BATF: variants seen among roughly 807,000 people sequenced by gnomAD.
BATF encodes the protein basic leucine zipper transcriptional factor ATF-like.
BATF carries 5 observed loss-of-function variants against 13.7 expected under a neutral mutation model. The ratio of observed to expected loss-of-function variants is 0.36; its 90% CI spans 0.19 to 0.77. BATF has a LOEUF of 0.77. BATF is among the 30% of genes least tolerant of loss of function. BATF has a pLI of 0.51. For missense variants in BATF, 124 were observed against 163.0 expected, an observed-to-expected ratio of 0.76 and a Z score of 1.30; for synonymous variants, 72 against 67.5, an observed-to-expected ratio of 1.07 and a Z score of -0.33.
intron 2 of BATF, among the ~76,000 whole-genome samples, chr14:75,538,022 G>A (rs912657897): frequency 2.0e-5 from 3 of 152,052 alleles, no homozygotes; most frequent in South Asian, 2.1e-4. Flanking sequence ...GCAGTGGTGC[G>A]ATCATGGCTG....
rs138528133 is a variant in BATF at position 75,532,346 on chromosome 14, C to T, written c.168+7158C>T. ...ACACTGTCCCCCAGCCATCATCAGG[C>T]GTGATCAAGAAAGTAAAGACATGTT... is the stretch of plus-strand genomic sequence containing the variant. On this transcript the variant is annotated intron_variant, in intron 2 of 2. Coordinates refer to ENST00000286639, the MANE Select transcript of BATF (RefSeq NM_006399.5). Among the ~76,000 whole-genome samples, 696 of 152,152 alleles carry T rather than the reference C, an allele frequency of 4.6e-3. 4 individuals carry two copies. Among genetic ancestry groups the T allele is most frequent in the African/African-American group, 0.016 (669 of 41,484 alleles).
chr14:75,523,180 A>G (rs1395662917), intron 1 of BATF, among the ~76,000 whole-genome samples: 2 of 146,402 alleles, frequency 1.4e-5, no homozygotes, highest in Non-Finnish European at 3.0e-5. Flanking sequence ...GCCAATAGGG[A>G]AGGGGAGAAA....
At chr14:75,540,952 TG>T (rs1030767595) in intron 2 of BATF, among the ~76,000 whole-genome samples, 1 of 152,136 alleles carries the variant, frequency 6.6e-6, no homozygotes, top group African/African-American at 2.4e-5. Flanking sequence ...CCAAGTGTAT[TG>T]GCGGGCACCT....
At chr14:75,534,253 C>T (rs1195458213) in intron 2 of BATF, among the ~76,000 whole-genome samples, 1 of 152,158 alleles carries the variant, frequency 6.6e-6, no homozygotes, top group Non-Finnish European at 1.5e-5. Flanking sequence ...CATCAGGACT[C>T]CAATAGACAA....
intron 2 of BATF, among the ~76,000 whole-genome samples, chr14:75,542,808 C>T (rs894926717): frequency 1.3e-5 from 2 of 152,186 alleles, no homozygotes; most frequent in Non-Finnish European, 2.9e-5. Flanking sequence ...CAGCAGGCAG[C>T]GGTTACAAAC....
At chr14:75,537,584 G>A (rs900392705) in intron 2 of BATF, among the ~76,000 whole-genome samples, 17 of 152,134 alleles carry the variant, frequency 1.1e-4, no homozygotes, top group Admixed American at 3.9e-4. Context: ...GAAACGAAAC[G>A]GTTAAAGTTA....
rs1275127364 is a variant in BATF at position 75,546,611 on chromosome 14, G to A, written c.318G>A (p.Val106=). 1 of 1,613,690 alleles carries A rather than the reference G, an allele frequency of 6.2e-7. No individual in the cohort carries two copies. Among genetic ancestry groups the A allele is most frequent in the Admixed American group, 1.7e-5 (1 of 59,984 alleles). ...CCAGCACGCCCTCGCCCCCCGAGGT[G>A]GTGTACAGCGCCCACGCATTCCACC... is the stretch of plus-strand genomic sequence containing the variant. ...LAASTPSPPE[V]VYSAHAFHQP... is the part of the protein sequence containing the mutation. The change falls in exon 3 of 3, where the codon GTG becomes GTA. Residue 106 remains valine, a synonymous_variant. Transcript: ENST00000286639.
chr14:75,522,640 G>A lies in BATF; in HGVS notation c.-43G>A. Reference sequence around the variant, plus strand: ...GCCCAGCTGGTGACAAGAGAGCCCAGAGGTGCCTGGGGCTGAGTGTGAGAG... The same window carrying A: ...GCCCAGCTGGTGACAAGAGAGCCCAAAGGTGCCTGGGGCTGAGTGTGAGAG... On this transcript the variant is annotated 5_prime_UTR_variant, in exon 1 of 3. Transcript: ENST00000286639. 1 of 1,611,360 alleles carries A rather than the reference G, an allele frequency of 6.2e-7. No individual in the cohort carries two copies. The highest frequency in any genetic ancestry group is 1.3e-5 in the African/African-American group (1 of 74,968).
At chr14:75,525,491 C>G (rs186213768) in intron 2 of BATF, among the ~76,000 whole-genome samples, 418 of 151,712 alleles carry the variant, frequency 2.8e-3, no homozygotes, top group Admixed American at 8.2e-3. Flanking sequence ...GGTGAAACCT[C>G]GTCTCTACTA....
intron 2 of BATF, among the ~76,000 whole-genome samples, chr14:75,529,245 A>G (rs1456626752): frequency 6.6e-6 from 1 of 152,268 alleles, no homozygotes; most frequent in Non-Finnish European, 1.5e-5. Context: ...TGGAAAAGAC[A>G]GAACATTGAA....
At chr14:75,543,567 T>C (rs1887935428) in intron 2 of BATF, among the ~76,000 whole-genome samples, 1 of 152,188 alleles carries the variant, frequency 6.6e-6, no homozygotes, top group Admixed American at 6.5e-5. Context: ...AATTTTATTT[T>C]ATTATTTTAT....
At chr14:75,544,236 T>G (rs1887946673) in intron 2 of BATF, among the ~76,000 whole-genome samples, 1 of 152,148 alleles carries the variant, frequency 6.6e-6, no homozygotes, top group Admixed American at 6.5e-5. Context: ...GTCTAGTGGC[T>G]AGGATTTAAA....
chr14:75,524,969 T>G (rs1198824716), intron 1 of BATF, 115 bp from the exon 2 acceptor site: 2 of 834,624 alleles, frequency 2.4e-6, no homozygotes, highest in East Asian at 5.4e-5. Context: ...GGAGGGTTCA[T>G]GCAGAGACGA....
chr14:75,530,762 C>A (rs1039330807), intron 2 of BATF, among the ~76,000 whole-genome samples: 1 of 152,150 alleles, frequency 6.6e-6, no homozygotes, highest in African/African-American at 2.4e-5. Flanking sequence ...GCCCTGCCCA[C>A]CTTGGCCTCC....
Position 75,523,972 on chromosome 14 carries a change from A to G in BATF, c.64-1112A>G, listed in dbSNP as rs139000040. ...TAACCTGGTGCCCCATCCCCCTTAG[A>G]GGAAGAGCACTTCCTTCCTATCTAT... On this transcript the variant is annotated intron_variant, in intron 1 of 2. Coordinates refer to ENST00000286639, the MANE Select transcript of BATF (RefSeq NM_006399.5). Among the ~76,000 whole-genome samples, 905 of 152,260 alleles carry G rather than the reference A, an allele frequency of 5.9e-3. 8 individuals are homozygous for G. The highest frequency in any genetic ancestry group is 8.6e-3 in the Non-Finnish European group (584 of 67,994).
At chr14:75,540,630 G>A (rs768850512) in intron 2 of BATF, among the ~76,000 whole-genome samples, 4 of 152,198 alleles carry the variant, frequency 2.6e-5, no homozygotes, top group Non-Finnish European at 4.4e-5. Context: ...TCCAAGCTGC[G>A]TGATCTTGAG....
chr14:75,535,615 G>T (rs972558105), intron 2 of BATF, among the ~76,000 whole-genome samples: 12 of 152,290 alleles, frequency 7.9e-5, no homozygotes, highest in Middle Eastern at 3.4e-3. Context: ...ATATTACTGA[G>T]CTCGAATTTG....
At chr14:75,532,879 A>G (rs2140037558) in intron 2 of BATF, among the ~76,000 whole-genome samples, 1 of 152,364 alleles carries the variant, frequency 6.6e-6, no homozygotes, top group Non-Finnish European at 1.5e-5. Flanking sequence ...TCGCATGCAT[A>G]AAGAGATATC....
chr14:75,539,050 A>C (rs1013843750), intron 2 of BATF, among the ~76,000 whole-genome samples: 2 of 152,260 alleles, frequency 1.3e-5, no homozygotes, highest in African/African-American at 4.8e-5. Context: ...GATTGCATGC[A>C]TTCAGAGACA....
Sources: allele counts gnomAD v4.1 joint callset (sites outside exome capture counted in the v4.1 genomes callset), GRCh38; gene constraint gnomAD v4.1.1; transcripts MANE v1.5; gene names NCBI Gene and HGNC (gene_info 2026-07-23, HGNC 2026-07-21).